The following SPIDR variants were observed in gnomAD, a reference collection of about 807,000 sequenced individuals.
The protein encoded by SPIDR is scaffold protein involved in DNA repair.
A neutral mutation model predicts 104.6 loss-of-function variants in SPIDR; 93 were observed. The ratio of observed to expected loss-of-function variants is 0.89; its 90% CI spans 0.75 to 1.06. SPIDR has a LOEUF of 1.06. Among genes scored for constraint, SPIDR ranks in the 50% least tolerant of loss-of-function variants. The probability of loss-of-function intolerance (pLI) is 0.00; values close to 1 mark genes in which losing one functional copy is unlikely to be tolerated. For synonymous variants in SPIDR, 431 were observed against 416.9 expected, an observed-to-expected ratio of 1.03 and a Z score of -0.41; for missense variants, 1,154 against 1,111.2, an observed-to-expected ratio of 1.04 and a Z score of -0.55.
intron 5 of SPIDR, among the ~76,000 whole-genome samples, chr8:47,363,339 G>C (rs1180501824): frequency 6.7e-6 from 1 of 149,016 alleles, no homozygotes; most frequent in Non-Finnish European, 1.5e-5. Context: ...CCAAGTAGCT[G>C]GGACTACAGG....
intron 8 of SPIDR, among the ~76,000 whole-genome samples, chr8:47,528,540 G>A (rs2085389039): frequency 1.3e-5 from 2 of 152,022 alleles, no homozygotes; most frequent in Non-Finnish European, 2.9e-5. Context: ...AATATGTTAG[G>A]GGCTCTAAAG....
At chr8:47,633,434 A>G (rs1005858784) in intron 10 of SPIDR, among the ~76,000 whole-genome samples, 1 of 152,096 alleles carries the variant, frequency 6.6e-6, no homozygotes, top group Non-Finnish European at 1.5e-5. Context: ...CAACAGGACC[A>G]TGAACCAAGG....
intron 10 of SPIDR, among the ~76,000 whole-genome samples, chr8:47,649,809 A>T (rs961125254): frequency 2.0e-5 from 3 of 152,236 alleles, no homozygotes; most frequent in African/African-American, 7.2e-5. Flanking sequence ...TAACATATAC[A>T]GGTCAATAAA....
intron 10 of SPIDR, among the ~76,000 whole-genome samples, chr8:47,669,211 A>T (rs1178345785): frequency 6.6e-6 from 1 of 152,218 alleles, no homozygotes; most frequent in Non-Finnish European, 1.5e-5. Flanking sequence ...AGGAAAAACA[A>T]GTAAGTCATG....
intron 10 of SPIDR, among the ~76,000 whole-genome samples, chr8:47,623,703 A>C (rs2065517109): frequency 6.6e-6 from 1 of 152,242 alleles, no homozygotes; most frequent in Non-Finnish European, 1.5e-5. Flanking sequence ...TGAAATATAT[A>C]TGCACCCAAT....
chr8:47,587,367 G>T (rs1400286783), intron 8 of SPIDR, among the ~76,000 whole-genome samples: 1 of 152,058 alleles, frequency 6.6e-6, no homozygotes, highest in Non-Finnish European at 1.5e-5. Context: ...TTTCTGGGAG[G>T]CAGAGACGAG....
chr8:47,558,020 G>A (rs2091523393), intron 8 of SPIDR, among the ~76,000 whole-genome samples: 1 of 152,178 alleles, frequency 6.6e-6, no homozygotes, highest in Non-Finnish European at 1.5e-5. Flanking sequence ...GATGCAGCTG[G>A]AGGCCATTAT....
rs1367294488 is a variant in SPIDR at position 47,642,841 on chromosome 8, CA to C, written c.1545-30958del. On this transcript the variant is annotated intron_variant, in intron 10 of 19. Coordinates refer to ENST00000297423, the MANE Select transcript of SPIDR (RefSeq NM_001080394.4). ...AGAGGATCGTTTGAGGCCAGGAGCT[CA>C]AGGCTGCAGTGAGCCATGATGGCAG... Among the ~76,000 whole-genome samples, 3 of 152,184 alleles carry C rather than the reference CA, an allele frequency of 2.0e-5. No individual in the cohort carries two copies. In the East Asian group the frequency reaches 5.8e-4, roughly 29 times the overall value.
At chr8:47,681,897 A>T (rs1165304224) in intron 11 of SPIDR, among the ~76,000 whole-genome samples, 1 of 152,192 alleles carries the variant, frequency 6.6e-6, no homozygotes, top group Non-Finnish European at 1.5e-5. Flanking sequence ...CAGCAACCTG[A>T]GCAATATTAT....
intron 8 of SPIDR, among the ~76,000 whole-genome samples, chr8:47,461,806 T>C (rs2073989853): frequency 6.6e-6 from 1 of 152,078 alleles, no homozygotes; most frequent in South Asian, 2.1e-4. Context: ...TGAAGATTTC[T>C]CCCCTCATTT....
At chr8:47,495,876 T>C (rs2079372827) in intron 8 of SPIDR, among the ~76,000 whole-genome samples, 1 of 152,200 alleles carries the variant, frequency 6.6e-6, no homozygotes, top group East Asian at 1.9e-4. Flanking sequence ...CATTGATTTA[T>C]ATTTCTGTCC....
chr8:47,621,354 A>G (rs1479455914), intron 10 of SPIDR, among the ~76,000 whole-genome samples: 1 of 152,180 alleles, frequency 6.6e-6, no homozygotes, highest in Non-Finnish European at 1.5e-5. Context: ...AATTCCTTAC[A>G]TGAATCATCT....
At chr8:47,609,754 C>T (rs939669090) in intron 10 of SPIDR, among the ~76,000 whole-genome samples, 1 of 152,098 alleles carries the variant, frequency 6.6e-6, no homozygotes, top group African/African-American at 2.4e-5. Context: ...CTTGATAATA[C>T]CAACCTGTAT....
chr8:47,616,129 T>G (rs2064282195), intron 10 of SPIDR, among the ~76,000 whole-genome samples: 1 of 152,238 alleles, frequency 6.6e-6, no homozygotes, highest in African/African-American at 2.4e-5. Context: ...AAGACAGTTT[T>G]ACTTCTTCCT....
chr8:47,511,202 T>C, intron 8 of SPIDR: 2 of 1,591,786 alleles, frequency 1.3e-6, no homozygotes, highest in African/African-American at 1.3e-5. Flanking sequence ...ATCCTGTGGC[T>C]GTGGTTAAAT....
chr8:47,576,331 A>G (rs1365512952), intron 8 of SPIDR, among the ~76,000 whole-genome samples: 1 of 152,080 alleles, frequency 6.6e-6, no homozygotes, highest in African/African-American at 2.4e-5. Flanking sequence ...ATGTATTTTT[A>G]GTAGAGACGG....
chr8:47,711,267 C>G (rs1269217415), intron 14 of SPIDR, among the ~76,000 whole-genome samples: 1 of 152,134 alleles, frequency 6.6e-6, no homozygotes, highest in Non-Finnish European at 1.5e-5. Context: ...TTTCTGTGCT[C>G]TGGAGTCAGC....
intron 1 of SPIDR, among the ~76,000 whole-genome samples, chr8:47,269,604 A>G (rs1294925531): frequency 2.0e-5 from 3 of 151,868 alleles, no homozygotes; most frequent in African/African-American, 7.2e-5. Flanking sequence ...ACAAAATACC[A>G]TGCTGTCTGT....
intron 5 of SPIDR, among the ~76,000 whole-genome samples, chr8:47,298,114 T>C (rs1554574131): frequency 6.6e-6 from 1 of 152,136 alleles, no homozygotes; most frequent in African/African-American, 2.4e-5. Context: ...TCCTCTCCAG[T>C]ACCTGTTGTT....
Sources: allele counts gnomAD v4.1 joint callset (sites outside exome capture counted in the v4.1 genomes callset), GRCh38; gene constraint gnomAD v4.1.1; transcripts MANE v1.5; gene names NCBI Gene and HGNC (gene_info 2026-07-23, HGNC 2026-07-21).